MREG: variants seen among roughly 807,000 people sequenced by gnomAD.
The protein encoded by MREG is melanoregulin.
In MREG, 31 loss-of-function variants were observed where a neutral mutation model predicts 28.5. The observed-to-expected ratio is 1.09, with a 90% confidence interval of 0.82 to 1.47. MREG has a LOEUF of 1.47. MREG is among the 40% of genes most tolerant of loss of function. The pLI, the probability that MREG is intolerant of heterozygous loss-of-function variation, is 0.00. For missense variants in MREG, 256 were observed against 257.4 expected (o/e 0.99, Z 0.04); for synonymous variants, 106 against 95.2 (o/e 1.11, Z -0.66).
intron 1 of MREG, 39 bp from the exon 2 acceptor site, chr2:215,996,504 A>G (rs755063864): frequency 4.7e-6 from 7 of 1,503,484 alleles, no homozygotes; most frequent in Non-Finnish European, 6.4e-6. Flanking sequence ...GTTTTATAAT[A>G]TACATAAAAT....
At chr2:216,012,444 T>C (rs963671984) in intron 1 of MREG, among the ~76,000 whole-genome samples, 2 of 152,220 alleles carry the variant, frequency 1.3e-5, no homozygotes, top group African/African-American at 4.8e-5. Context: ...CTGGCTTTAG[T>C]ATTTGCTTAC....
intron 2 of MREG, among the ~76,000 whole-genome samples, chr2:215,960,830 T>A (rs13010073): frequency 0.53 from 80,234 of 151,540 alleles, 22,005 homozygotes; most frequent in Admixed American, 0.61. Context: ...CGAGACTCCA[T>A]CACAAAAAAA....
At chr2:216,001,689 G>A (rs1694016575) in intron 1 of MREG, among the ~76,000 whole-genome samples, 1 of 152,204 alleles carries the variant, frequency 6.6e-6, no homozygotes, top group South Asian at 2.1e-4. Flanking sequence ...AGCTCATTCA[G>A]CAGCATCAGA....
intron 3 of MREG, among the ~76,000 whole-genome samples, chr2:215,946,610 G>A (rs753646429): frequency 6.6e-5 from 10 of 151,986 alleles, no homozygotes; most frequent in African/African-American, 1.5e-4. Flanking sequence ...TATTTCTTCC[G>A]AAATTCTACA....
chr2:215,999,266 C>A (rs1693950180), intron 1 of MREG, among the ~76,000 whole-genome samples: 1 of 152,208 alleles, frequency 6.6e-6, no homozygotes, highest in Non-Finnish European at 1.5e-5. Flanking sequence ...ACATTATCAA[C>A]AGGATTTTGA....
At chr2:216,031,612 AAAAG>A (rs1440965314) in intron 1 of MREG, among the ~76,000 whole-genome samples, 12 of 149,636 alleles carry the variant, frequency 8.0e-5, no homozygotes, top group Non-Finnish European at 1.3e-4. Flanking sequence ...AAGAAGGAAG[AAAAG>A]AAAGAAAGGA....
rs891076055 is a variant in MREG, at chr2:216,013,427, G to A, written c.-100C>T. ...GGCCACCGCGCCAGCGTCCAGGTGCGGGGACAGCGGCAGCCCGGGCGTCGC... is the reference window on the plus strand; with the variant it reads ...GGCCACCGCGCCAGCGTCCAGGTGCAGGGACAGCGGCAGCCCGGGCGTCGC... On this transcript the variant is annotated 5_prime_UTR_variant, in exon 1 of 5. Transcript: ENST00000263268. The A allele has an allele frequency of 5.5e-5, 43 of 776,588 alleles. No homozygotes were observed. The highest frequency in any genetic ancestry group is 7.1e-5 in the Non-Finnish European group (41 of 580,890). 48.1% of individuals were successfully genotyped at this position (776,588 alleles called of 1,614,324 possible).
At chr2:215,954,506 T>C (rs2105973449) in intron 2 of MREG, among the ~76,000 whole-genome samples, 1 of 128,102 alleles carries the variant, frequency 7.8e-6, no homozygotes, top group East Asian at 2.4e-4. Flanking sequence ...AGAGTATTGC[T>C]CAAATGTTAT....
upstream of MREG, chr2:216,033,957 C>T (rs1559204636): frequency 1.3e-5 from 2 of 152,214 alleles, no homozygotes; most frequent in African/African-American, 4.8e-5. Context: ...TTTGACGTAG[C>T]ATACCTTTCC....
At chr2:215,941,964 A>G (rs1323993342), downstream of MREG, among the ~76,000 whole-genome samples, 1 of 152,228 alleles carries the variant, frequency 6.6e-6, no homozygotes, top group African/African-American at 2.4e-5. Context: ...TCTGGCCTTC[A>G]GAACTGCCAC....
intron 2 of MREG, among the ~76,000 whole-genome samples, chr2:215,992,289 C>CA (rs1693739214): frequency 6.6e-6 from 1 of 152,198 alleles, no homozygotes; most frequent in African/African-American, 2.4e-5. Flanking sequence ...GAACCAATAA[C>CA]AAAAACCACA....
intron 1 of MREG, among the ~76,000 whole-genome samples, chr2:216,029,024 A>T (rs887274398): frequency 1.3e-5 from 2 of 152,226 alleles, no homozygotes; most frequent in Admixed American, 6.5e-5. Flanking sequence ...CTCAAGATAC[A>T]CAAATTTCTG....
chr2:216,017,160 A>AGTTTT (rs112710460), upstream of MREG, among the ~76,000 whole-genome samples: 94 of 152,200 alleles, frequency 6.2e-4, no homozygotes, highest in African/African-American at 2.0e-3. Context: ...ATTGTTAGTG[A>AGTTTT]GTTTTGTTTT....
upstream of MREG, among the ~76,000 whole-genome samples, chr2:216,033,225 C>G (rs767487104): frequency 5.9e-5 from 9 of 152,168 alleles, no homozygotes; most frequent in Non-Finnish European, 1.3e-4. Context: ...ACCAACCCCC[C>G]TTCCTCCATT....
chr2:215,949,075 CTACTACTACTACTAATAATAA>C (rs1692405128), intron 2 of MREG, among the ~76,000 whole-genome samples: 1 of 102,506 alleles, frequency 9.8e-6, no homozygotes, highest in Non-Finnish European at 2.1e-5. Context: ...ACTACTACTA[CTACTACTACTACTAATAATAA>C]TAATAATAAT....
chr2:215,946,430 A>C (rs1411279560), intron 3 of MREG, among the ~76,000 whole-genome samples: 1 of 135,150 alleles, frequency 7.4e-6, no homozygotes, highest in Non-Finnish European at 1.6e-5. Flanking sequence ...AGAACTGATA[A>C]ATTCACTTTT....
chr2:216,026,461 A>G (rs1245017568), intron 1 of MREG, among the ~76,000 whole-genome samples: 1 of 152,136 alleles, frequency 6.6e-6, no homozygotes, highest in Non-Finnish European at 1.5e-5. Context: ...CCCAGGGTCC[A>G]GCGATCCTCC....
Position 215,988,164 on chromosome 2 carries a change from G to A in MREG, c.255+8142C>T, listed in dbSNP as rs117464603. 5.6e-3 allele frequency among the ~76,000 whole-genome samples: 855 copies of A among 152,226 alleles called. 38 individuals carry two copies. The South Asian group carries it at 0.11, about 19-fold the overall frequency. ...TCACGGTGAGATCAACGCAGAAGAC[G>A]GGTGATTTCTGCATTTCCACCTGAG... On this transcript the variant is annotated intron_variant, in intron 2 of 4. Coordinates refer to ENST00000263268, the MANE Select transcript of MREG (RefSeq NM_018000.3).
At chr2:215,976,064 C>T (rs1411323352) in intron 2 of MREG, among the ~76,000 whole-genome samples, 2 of 151,120 alleles carry the variant, frequency 1.3e-5, no homozygotes, top group East Asian at 1.9e-4. Context: ...GCCAAGATCG[C>T]ACCACTGCCC....
Sources: allele counts gnomAD v4.1 joint callset (sites outside exome capture counted in the v4.1 genomes callset), GRCh38; gene constraint gnomAD v4.1.1; transcripts MANE v1.5; gene names NCBI Gene and HGNC (gene_info 2026-07-23, HGNC 2026-07-21).